CLSTN2: variants seen among roughly 807,000 people sequenced by gnomAD.
The protein encoded by CLSTN2 is calsyntenin 2.
Under a neutral mutation model 101.2 loss-of-function variants are expected in CLSTN2, and 48 were observed. That is an observed-to-expected ratio of 0.47 (90% confidence interval 0.38 to 0.60). The LOEUF is 0.60. CLSTN2 is among the 20% of genes least tolerant of loss of function. CLSTN2 has a pLI of 0.00. For missense variants in CLSTN2, 1,160 were observed against 1,238.2 expected, an observed-to-expected ratio of 0.94 and a Z score of 0.95; for synonymous variants, 481 against 463.6, an observed-to-expected ratio of 1.04 and a Z score of -0.48.
intron 1 of CLSTN2, among the ~76,000 whole-genome samples, chr3:140,028,922 G>A (rs551643771): frequency 4.4e-4 from 67 of 152,178 alleles, no homozygotes; most frequent in Admixed American, 1.2e-3. Flanking sequence ...CCCTAGTGTC[G>A]CTAAGCAGAA....
chr3:140,154,460 A>G (rs77529257), intron 1 of CLSTN2, among the ~76,000 whole-genome samples: 2,389 of 152,206 alleles, frequency 0.016, 55 homozygotes, highest in African/African-American at 0.053. Flanking sequence ...CAGCTGGATT[A>G]GTCCATTTTC....
At chr3:140,439,966 G>C (rs924602699) in intron 5 of CLSTN2, among the ~76,000 whole-genome samples, 10 of 152,230 alleles carry the variant, frequency 6.6e-5, no homozygotes, top group African/African-American at 2.4e-4. Context: ...TCATTTCATA[G>C]ATATTTGTTG....
intron 1 of CLSTN2, among the ~76,000 whole-genome samples, chr3:140,006,841 C>G (rs376611392): frequency 5.9e-5 from 9 of 152,088 alleles, no homozygotes; most frequent in African/African-American, 1.9e-4. Context: ...AATAGTAGCT[C>G]TAATGATTAG....
intron 2 of CLSTN2, among the ~76,000 whole-genome samples, chr3:140,303,790 TCA>T (rs2087084689): frequency 6.6e-6 from 1 of 151,878 alleles, no homozygotes; most frequent in Non-Finnish European, 1.5e-5. Context: ...CTAAGAGGCA[TCA>T]ACTTGCTCTG....
chr3:139,979,841 T>C (rs1935886394), intron 1 of CLSTN2, among the ~76,000 whole-genome samples: 1 of 152,006 alleles, frequency 6.6e-6, no homozygotes, highest in Non-Finnish European at 1.5e-5. Context: ...TCTTGGCTCC[T>C]CCCTCTCAAA....
At chr3:140,031,001 T>C (rs2007535619) in intron 1 of CLSTN2, among the ~76,000 whole-genome samples, 1 of 152,220 alleles carries the variant, frequency 6.6e-6, no homozygotes, top group African/African-American at 2.4e-5. Context: ...TGCGTTTGCT[T>C]TGACACTGCC....
intron 7 of CLSTN2, among the ~76,000 whole-genome samples, chr3:140,465,544 T>C (rs1433617693): frequency 6.6e-6 from 1 of 152,214 alleles, no homozygotes; most frequent in Non-Finnish European, 1.5e-5. Flanking sequence ...CTCATGAGCC[T>C]GTTTGGCCAG....
intron 8 of CLSTN2, among the ~76,000 whole-genome samples, chr3:140,520,993 T>C (rs555787792): frequency 1.3e-5 from 2 of 152,240 alleles, no homozygotes; most frequent in South Asian, 4.1e-4. Context: ...TGTGTTCCTC[T>C]CTAAACTGGC....
At chr3:140,213,234 G>A (rs960658689) in intron 2 of CLSTN2, among the ~76,000 whole-genome samples, 1 of 152,032 alleles carries the variant, frequency 6.6e-6, no homozygotes, top group African/African-American at 2.4e-5. Flanking sequence ...TTTGTAACAT[G>A]TGTGTGTGTT....
At chr3:140,523,766 C>T (rs1935083614) in intron 8 of CLSTN2, among the ~76,000 whole-genome samples, 1 of 152,172 alleles carries the variant, frequency 6.6e-6, no homozygotes, top group Admixed American at 6.5e-5. Flanking sequence ...TGGCCTGTAC[C>T]AATCCCTTTT....
intron 1 of CLSTN2, among the ~76,000 whole-genome samples, chr3:140,036,320 C>T (rs1409664160): frequency 6.6e-6 from 1 of 152,036 alleles, no homozygotes; most frequent in Non-Finnish European, 1.5e-5. Flanking sequence ...AATTATAGTC[C>T]AGCCCCAAAT....
At chr3:140,049,740 C>A (rs1284478539) in intron 1 of CLSTN2, among the ~76,000 whole-genome samples, 1 of 152,236 alleles carries the variant, frequency 6.6e-6, no homozygotes, top group East Asian at 1.9e-4. Flanking sequence ...GCGAGCTCTG[C>A]CCCAGCACAA....
chr3:140,432,814 C>T (rs2088648128), intron 5 of CLSTN2, among the ~76,000 whole-genome samples: 1 of 152,176 alleles, frequency 6.6e-6, no homozygotes, highest in African/African-American at 2.4e-5. Context: ...TGTGGGCAGA[C>T]TTCACTCATC....
chr3:140,226,119 C>T (rs958867779), intron 2 of CLSTN2, among the ~76,000 whole-genome samples: 3 of 152,018 alleles, frequency 2.0e-5, no homozygotes, highest in African/African-American at 7.2e-5. Context: ...AAGCCAATCC[C>T]AAAAGCCTAC....
intron 2 of CLSTN2, among the ~76,000 whole-genome samples, chr3:140,206,802 C>T (rs1007495876): frequency 6.6e-5 from 10 of 152,256 alleles, no homozygotes; most frequent in Middle Eastern, 3.4e-3. Context: ...GCCTTTTTCT[C>T]TTTTGAGTGT....
chr3:140,240,152 G>C (rs9869986), intron 2 of CLSTN2, among the ~76,000 whole-genome samples: 50,939 of 62,304 alleles, frequency 0.82, 22,943 homozygotes, highest in Non-Finnish European at 0.96. Flanking sequence ...CTCTCTCTCT[G>C]TCTCTCTCTC....
intron 2 of CLSTN2, among the ~76,000 whole-genome samples, chr3:140,263,952 A>G (rs964503287): frequency 6.6e-6 from 1 of 152,100 alleles, no homozygotes; most frequent in Non-Finnish European, 1.5e-5. Flanking sequence ...CATTATTTAC[A>G]AATATTTGTG....
At position 139,935,891 on chromosome 3, in the gene CLSTN2, A is replaced by T. The variant is rs1935011683; in HGVS notation, c.109+408A>T. Among the ~76,000 whole-genome samples the T allele has an allele frequency of 6.6e-6, 1 of 151,908 alleles. No homozygotes were observed. The highest frequency in any genetic ancestry group is 6.5e-5 in the Admixed American group (1 of 15,272). The stretch of plus-strand genomic sequence containing the variant: ...AGGATCAGCGGCGGTGCTTTCAAGG[A>T]GGGAGCCGAGCTGTGACTTGTCTCC... On this transcript the variant is annotated intron_variant, in intron 1 of 16. Coordinates refer to ENST00000458420, the MANE Select transcript of CLSTN2 (RefSeq NM_022131.3). This position sits in a 1 kb window ranked among gnomAD's most constrained non-coding sequence, Gnocchi z 5.5.
At chr3:140,326,617 C>T (rs1219068003) in intron 2 of CLSTN2, among the ~76,000 whole-genome samples, 1 of 152,112 alleles carries the variant, frequency 6.6e-6, no homozygotes, top group Non-Finnish European at 1.5e-5. Context: ...ATCTCAGATT[C>T]CTCCCAAAGA....
Sources: allele counts gnomAD v4.1 joint callset (sites outside exome capture counted in the v4.1 genomes callset), GRCh38; gene constraint gnomAD v4.1.1; non-coding constraint Gnocchi (gnomAD v3.1); transcripts MANE v1.5; gene names NCBI Gene and HGNC (gene_info 2026-07-23, HGNC 2026-07-21).